CTDSP2: variants seen among roughly 807,000 people sequenced by gnomAD.
The protein encoded by CTDSP2 is CTD small phosphatase 2.
In CTDSP2, 9 loss-of-function variants were observed where a neutral mutation model predicts 31.6. That is an observed-to-expected ratio of 0.28 (90% CI 0.17 to 0.50). CTDSP2 has a LOEUF of 0.50. Ranked by LOEUF, CTDSP2 falls within the 20% of genes least tolerant of loss-of-function variation. CTDSP2 has a pLI of 0.98. For synonymous variants in CTDSP2, 134 were observed against 134.5 expected (o/e 1.00, Z 0.03); for missense variants, 267 against 348.5 (o/e 0.77, Z 1.86).
chr12:57,833,966 G>A (rs1485440198), intron 1 of CTDSP2, among the ~76,000 whole-genome samples: 2 of 152,188 alleles, frequency 1.3e-5, no homozygotes, highest in Non-Finnish European at 2.9e-5. Context: ...CTTTACAGAA[G>A]GGAAACTAAA....
rs1565842163 is a variant in CTDSP2, at chr12:57,821,024, G to C, written c.*2578C>G. The C allele has an allele frequency of 6.6e-6, 1 of 152,220 alleles. No individual in the cohort carries two copies. Among genetic ancestry groups the C allele is most frequent in the Non-Finnish European group, 1.5e-5 (1 of 68,042 alleles). 9.4% of individuals were successfully genotyped at this position (152,220 alleles called of 1,614,324 possible). A position where few individuals can be genotyped will look rare whatever the true frequency, so the allele number is the denominator to read the frequency against. Reference sequence around the variant, plus strand: ...GCTGATGGTGGGAAGCCCTAGAAGAGAGTCTGGGATGAAGCGGCCTCCTCC... The same window carrying C: ...GCTGATGGTGGGAAGCCCTAGAAGACAGTCTGGGATGAAGCGGCCTCCTCC... On this transcript the variant is annotated 3_prime_UTR_variant, in exon 8 of 8. Transcript: ENST00000398073.
Position 57,827,110 on chromosome 12 carries a change from C to T in CTDSP2, c.253-13G>A, listed in dbSNP as rs773914707. 11 of 1,599,016 alleles carry T rather than the reference C, an allele frequency of 6.9e-6. No homozygotes were observed. Among genetic ancestry groups the T allele is most frequent in the African/African-American group, 2.7e-5 (2 of 74,624 alleles). ...AGGTCCCTGGGATCTAAAACCAAGC[C>T]AGGTTGCTGAGATCTGCCTACCAAG... On this transcript the variant is annotated splice_polypyrimidine_tract_variant and intron_variant, in intron 3 of 7. Coordinates refer to ENST00000398073, the MANE Select transcript of CTDSP2 (RefSeq NM_005730.4).
chr12:57,829,480 C>T lies in CTDSP2; in HGVS notation c.181G>A (p.Ala61Thr), dbSNP rs1181206830. Residue 61 changes from alanine (A) to threonine (T), a missense_variant, in exon 2 of 8, where the codon GCG becomes ACG. Coordinates refer to ENST00000398073, the MANE Select transcript of CTDSP2 (RefSeq NM_005730.4). Reference protein sequence around the residue: ...GQSSSSTELAAYKEEANTIAK... With the variant: ...GQSSSSTELATYKEEANTIAK... ...ATGGTGTTTGCTTCCTCCTTATACG[C>T]AGCGAGCTCAGTGGAGGAACTTGAC... is the stretch of plus-strand genomic sequence containing the variant. 5 of 1,614,078 alleles carry T rather than the reference C, an allele frequency of 3.1e-6. No individual in the cohort carries two copies. In the South Asian group the frequency reaches 5.5e-5, roughly 18 times the overall value.
intron 1 of CTDSP2, among the ~76,000 whole-genome samples, chr12:57,838,221 T>C (rs1956259548): frequency 6.6e-6 from 1 of 151,982 alleles, no homozygotes; most frequent in South Asian, 2.1e-4. Context: ...CAAGCCCCAC[T>C]CCAGAGGACT....
At chr12:57,830,248 G>A (rs916958120) in intron 1 of CTDSP2, among the ~76,000 whole-genome samples, 11 of 152,158 alleles carry the variant, frequency 7.2e-5, no homozygotes, top group African/African-American at 2.4e-4. Context: ...AGCCAGGTGA[G>A]GTGGCGGGTG....
At position 57,829,527 on chromosome 12, in the gene CTDSP2, A is replaced by G; in HGVS notation, c.134T>C (p.Phe45Ser). 2 of 1,614,208 alleles carry G rather than the reference A, an allele frequency of 1.2e-6. No homozygotes were observed. Among genetic ancestry groups the G allele is most frequent in the Non-Finnish European group, 1.7e-6 (2 of 1,180,042 alleles). Residue 45 changes from phenylalanine (F) to serine (S), a missense_variant, in exon 2 of 8, where the codon TTT (phenylalanine) becomes TCT (serine). Physicochemically the swap from Phe to Ser is radical, Grantham distance 155. This residue lies in a region of CTDSP2 where 111 missense variants were observed against 107.1 expected (regional missense o/e 1.04). Coordinates refer to ENST00000398073, the MANE Select transcript of CTDSP2 (RefSeq NM_005730.4). ...RNIFKALFCC[F>S]RAQHVGQSSS... ...TGACTGGCCAACATGCTGGGCGCGAAAACAGCAGAAAAGGGCCTTGAAGAT... is the reference window on the plus strand; with the variant it reads ...TGACTGGCCAACATGCTGGGCGCGAGAACAGCAGAAAAGGGCCTTGAAGAT...
chr12:57,823,344 AAAACACACACAC>A lies in CTDSP2; in HGVS notation c.*246_*257del. On this transcript the variant is annotated 3_prime_UTR_variant, in exon 8 of 8. Coordinates refer to ENST00000398073, the MANE Select transcript of CTDSP2 (RefSeq NM_005730.4). ...ATACACTGGGGCCACAGTTCATGGCAAAACACACACACAAACACACACTCTCTCACAGTCAAA... is the reference window on the plus strand; with the variant it reads ...ATACACTGGGGCCACAGTTCATGGCAAAACACACACTCTCTCACAGTCAAA... 1.9e-6 allele frequency: 1 copy of A among 515,140 alleles called. No homozygotes were observed. The allele number at this position is 515,140 out of a possible 1,614,324, so 31.9% of individuals were successfully genotyped here.
intron 1 of CTDSP2, among the ~76,000 whole-genome samples, chr12:57,843,182 G>T (rs536236597): frequency 6.6e-6 from 1 of 152,288 alleles, no homozygotes; most frequent in Admixed American, 6.5e-5. Context: ...CTCATTTCAC[G>T]TTGGGAGGTT....
intron 1 of CTDSP2, among the ~76,000 whole-genome samples, chr12:57,839,761 G>C (rs1159612217): frequency 6.6e-6 from 1 of 151,992 alleles, no homozygotes; most frequent in Admixed American, 6.6e-5. Context: ...GCAAATGTCT[G>C]GCTGACACTA....
chr12:57,829,571 C>CA lies in CTDSP2; in HGVS notation c.89_90insT (p.Lys30AsnfsTer7). On this transcript the variant is annotated frameshift_variant, in exon 2 of 8. Transcript: ENST00000398073. LOFTEE classifies it high-confidence loss of function. ...TGAAGATGTTACGTCCACGAGGCTT[C>CA]TTAGGAGAGGACTTGGAGACCAGGC... is the stretch of plus-strand genomic sequence containing the variant. 6.2e-7 allele frequency: 1 copy of CA among 1,614,154 alleles called. No individual in the cohort carries two copies. Among genetic ancestry groups the CA allele is most frequent in the Non-Finnish European group, 8.5e-7 (1 of 1,180,016 alleles).
At chr12:57,834,240 T>C (rs1956233435) in intron 1 of CTDSP2, among the ~76,000 whole-genome samples, 1 of 152,178 alleles carries the variant, frequency 6.6e-6, no homozygotes, top group Non-Finnish European at 1.5e-5. Context: ...CATGGGTCAC[T>C]GCAGCCTTGA....
chr12:57,826,520 C>A, intron 4 of CTDSP2, 118 bp from the exon 5 acceptor site: 1 of 904,434 alleles, frequency 1.1e-6, no homozygotes, highest in Non-Finnish European at 1.8e-6. Context: ...GTGCCTCTGG[C>A]CACCTCATTA....
At chr12:57,828,993 A>G (rs919909780) in intron 2 of CTDSP2, among the ~76,000 whole-genome samples, 2 of 152,270 alleles carry the variant, frequency 1.3e-5, no homozygotes, top group African/African-American at 4.8e-5. Context: ...AGCTTTGCAT[A>G]ATTGAGAACA....
At chr12:57,831,720 G>T (rs111717597) in intron 1 of CTDSP2, among the ~76,000 whole-genome samples, 2 of 152,208 alleles carry the variant, frequency 1.3e-5, no homozygotes, top group Admixed American at 1.3e-4. Flanking sequence ...AATGGATGCC[G>T]GAAATGCCTC....
intron 1 of CTDSP2, among the ~76,000 whole-genome samples, chr12:57,844,960 ACAC>A (rs941876589): frequency 1.4e-4 from 20 of 142,790 alleles, no homozygotes; most frequent in African/African-American, 5.1e-4. Flanking sequence ...GGAGAGGCTG[ACAC>A]CACCAACTCA....
chr12:57,827,201 C>A, intron 3 of CTDSP2, 104 bp from the exon 4 acceptor site: 1 of 816,068 alleles, frequency 1.2e-6, no homozygotes, highest in South Asian at 1.5e-5. Context: ...GACACAATCA[C>A]CAACCCAGGA....
At chr12:57,842,472 T>C (rs1956288366) in intron 1 of CTDSP2, 1 of 152,188 alleles carries the variant, frequency 6.6e-6, no homozygotes, top group Non-Finnish European at 1.5e-5. Flanking sequence ...TCACAGCAAT[T>C]CCAGTGCTGC....
Position 57,823,569 on chromosome 12 carries a change from A to G in CTDSP2, c.*33T>C. 6.2e-7 allele frequency: 1 copy of G among 1,611,336 alleles called. No homozygotes were observed. Among genetic ancestry groups the G allele is most frequent in the Admixed American group, 1.7e-5 (1 of 59,834 alleles). ...AAGGCACAGTGTGGGAAAGTCCCCT[A>G]CTGGGATGGCCGTCGCTTGGAAGCA... On this transcript the variant is annotated 3_prime_UTR_variant, in exon 8 of 8. Coordinates refer to ENST00000398073, the MANE Select transcript of CTDSP2 (RefSeq NM_005730.4).
chr12:57,826,930 C>T, intron 4 of CTDSP2, 66 bp downstream of exon 4: 1 of 1,238,054 alleles, frequency 8.1e-7, no homozygotes, highest in Non-Finnish European at 1.2e-6. Context: ...CTGCCTTACA[C>T]ATCTGTTGCC....
Sources: allele counts gnomAD v4.1 joint callset (sites outside exome capture counted in the v4.1 genomes callset), GRCh38; gene constraint gnomAD v4.1.1; regional missense constraint gnomAD v4.1.1; transcripts MANE v1.5; gene names NCBI Gene and HGNC (gene_info 2026-07-23, HGNC 2026-07-21).